Variants in GYS2 observed in about 807,000 individuals in gnomAD.
The protein encoded by GYS2 is glycogen synthase 2.
GYS2 carries 80 observed loss-of-function variants against 85.6 expected under a neutral mutation model. That is an observed-to-expected ratio of 0.93 (90% CI 0.78 to 1.13). The LOEUF (loss-of-function observed/expected upper bound fraction) is 1.13, where lower values mean the gene tolerates loss of function less well. Ranked by LOEUF, GYS2 falls within the 50% of genes most tolerant of loss-of-function variation. The pLI, the probability that GYS2 is intolerant of heterozygous loss-of-function variation, is 0.00. For synonymous variants in GYS2, 328 were observed against 300.7 expected (o/e 1.09, Z -0.94); for missense variants, 881 against 854.9 (o/e 1.03, Z -0.38).
chr12:21,548,817 C>T (rs746130580), intron 11 of GYS2, among the ~76,000 whole-genome samples: 10 of 152,070 alleles, frequency 6.6e-5, no homozygotes, highest in East Asian at 3.8e-4. Context: ...TTTTTCCCAG[C>T]GCTTTTTTTT....
intron 1 of GYS2, among the ~76,000 whole-genome samples, chr12:21,603,912 C>T (rs1210930811): frequency 2.0e-5 from 3 of 151,976 alleles, no homozygotes; most frequent in Admixed American, 6.6e-5. Context: ...TTTATAATTC[C>T]TACATAAGCA....
At chr12:21,571,277 C>A (rs1020310310) in intron 4 of GYS2, among the ~76,000 whole-genome samples, 1 of 152,138 alleles carries the variant, frequency 6.6e-6, no homozygotes, top group African/African-American at 2.4e-5. Flanking sequence ...TTTACAGAAA[C>A]CTTATCCGTT....
chr12:21,593,824 G>T (rs1333996551), intron 1 of GYS2, among the ~76,000 whole-genome samples: 1 of 151,948 alleles, frequency 6.6e-6, no homozygotes, highest in Non-Finnish European at 1.5e-5. Flanking sequence ...AAAACTGCAG[G>T]TCAATATCCC....
downstream of GYS2, among the ~76,000 whole-genome samples, chr12:21,533,489 C>T (rs1943883753): frequency 6.6e-6 from 1 of 152,118 alleles, no homozygotes; most frequent in African/African-American, 2.4e-5. Flanking sequence ...GCTATAAATT[C>T]CTTTAGAAAG....
intron 15 of GYS2, among the ~76,000 whole-genome samples, chr12:21,538,704 C>T (rs1451316122): frequency 6.6e-6 from 1 of 152,176 alleles, no homozygotes; most frequent in East Asian, 1.9e-4. Flanking sequence ...CCTGACGCTC[C>T]CCTGCTTCAA....
downstream of GYS2, among the ~76,000 whole-genome samples, chr12:21,535,337 A>T (rs1018013268): frequency 6.6e-6 from 1 of 152,110 alleles, no homozygotes; most frequent in East Asian, 1.9e-4. Flanking sequence ...GTAACAGTGA[A>T]CCCTAGTTTA....
At chr12:21,556,561 T>A in intron 11 of GYS2, among the ~76,000 whole-genome samples, 1 of 152,224 alleles carries the variant, frequency 6.6e-6, no homozygotes, top group Non-Finnish European at 1.5e-5. Context: ...GTTGCCCTCA[T>A]AAGCTCCAGG....
intron 11 of GYS2, among the ~76,000 whole-genome samples, chr12:21,555,759 A>T (rs1944171707): frequency 6.6e-6 from 1 of 152,128 alleles, no homozygotes; most frequent in Non-Finnish European, 1.5e-5. Context: ...TGGGGAGATG[A>T]GTATGAGGCT....
chr12:21,580,257 T>A lies in GYS2; in HGVS notation c.303+85A>T, dbSNP rs1180633293. 8 of 1,190,736 alleles carry A rather than the reference T, an allele frequency of 6.7e-6. No homozygotes were observed. The African/African-American group carries it at 1.0e-4, about 16-fold the overall frequency. The allele number at this position is 1,190,736 out of a possible 1,614,324, so 73.8% of individuals were successfully genotyped here. A position where few individuals can be genotyped will look rare whatever the true frequency, so the allele number is the denominator to read the frequency against. ...AAGTTTTCCTTAAGTAAGTGAATGG[T>A]CTTCTCTTGTGAGTTCATGTTAGTT... is the stretch of plus-strand genomic sequence containing the variant. On this transcript the variant is annotated intron_variant, in intron 2 of 15. Coordinates refer to ENST00000261195, the MANE Select transcript of GYS2 (RefSeq NM_021957.4).
At chr12:21,554,928 CT>C (rs1386122350) in intron 11 of GYS2, among the ~76,000 whole-genome samples, 2 of 152,196 alleles carry the variant, frequency 1.3e-5, no homozygotes, top group Non-Finnish European at 2.9e-5. Flanking sequence ...ACCTTCCAGC[CT>C]CAGTCTTCCC....
At chr12:21,567,638 G>A (rs1295771951) in intron 5 of GYS2, among the ~76,000 whole-genome samples, 1 of 151,586 alleles carries the variant, frequency 6.6e-6, no homozygotes, top group African/African-American at 2.4e-5. Flanking sequence ...AAGCAAGGAG[G>A]ATATATTAAT....
chr12:21,569,997 A>G (rs1168245306), intron 4 of GYS2, among the ~76,000 whole-genome samples: 1 of 152,170 alleles, frequency 6.6e-6, no homozygotes, highest in Non-Finnish European at 1.5e-5. Context: ...TAATGAATAC[A>G]GTCTTGTATT....
At chr12:21,560,532 A>T in intron 7 of GYS2, 40 bp from the exon 8 acceptor site, 2 of 957,210 alleles carry the variant, frequency 2.1e-6, no homozygotes, top group South Asian at 2.6e-5. Context: ...ACTATCAAAG[A>T]TTTTTAAAAA....
At position 21,603,152 on chromosome 12, in the gene GYS2, C is replaced by G. The variant is rs868125749; in HGVS notation, c.121+1320G>C. The stretch of plus-strand genomic sequence containing the variant: ...CACATGCTCATTTCAGGATAAAGAT[C>G]TCTGAGGAAAAGAATACAAAATAAT... On this transcript the variant is annotated intron_variant, in intron 1 of 15. Transcript: ENST00000261195. 8.5e-5 allele frequency among the ~76,000 whole-genome samples: 13 copies of G among 152,052 alleles called. 1 individual carries two copies. The South Asian group carries it at 2.7e-3, about 31-fold the overall frequency.
intron 15 of GYS2, chr12:21,537,497 G>T (rs1267591248): frequency 6.0e-6 from 2 of 334,722 alleles, no homozygotes; most frequent in Non-Finnish European, 1.1e-5. Flanking sequence ...CAAGTAACTT[G>T]CCCAACATCA....
At chr12:21,540,271 T>C in intron 14 of GYS2, 139 bp downstream of exon 14, 1 of 826,306 alleles carries the variant, frequency 1.2e-6, no homozygotes, top group Non-Finnish European at 2.0e-6. Context: ...CTTATTAAAT[T>C]TTAAAAAGTA....
At position 21,560,320 on chromosome 12, in the gene GYS2, G is replaced by A. The variant is rs1000268340; in HGVS notation, c.1169+66C>T. ...CAAAGTTCAAGGCGATACATGAGATGTCATTCACTTAAAAGAAATCTTTTC... is the reference window on the plus strand; with the variant it reads ...CAAAGTTCAAGGCGATACATGAGATATCATTCACTTAAAAGAAATCTTTTC... On this transcript the variant is annotated intron_variant, in intron 8 of 15. Transcript: ENST00000261195. 3.3e-5 allele frequency: 29 copies of A among 872,588 alleles called. No individual in the cohort carries two copies. In the African/African-American group the frequency reaches 4.8e-4, roughly 14 times the overall value. The allele number at this position is 872,588 out of a possible 1,614,324, so 54.1% of individuals were successfully genotyped here.
At chr12:21,604,009 C>T (rs757773389) in intron 1 of GYS2, among the ~76,000 whole-genome samples, 3 of 151,954 alleles carry the variant, frequency 2.0e-5, no homozygotes, top group Non-Finnish European at 2.9e-5. Flanking sequence ...ACATTAATTC[C>T]AAGCTAATTG....
At chr12:21,575,411 T>C (rs10505873) in intron 3 of GYS2, among the ~76,000 whole-genome samples, 83,970 of 152,008 alleles carry the variant, frequency 0.55, 24,328 homozygotes, top group East Asian at 0.82. Context: ...AGCAAAACAC[T>C]GTCATTGAAG....
Sources: allele counts gnomAD v4.1 joint callset (sites outside exome capture counted in the v4.1 genomes callset), GRCh38; gene constraint gnomAD v4.1.1; transcripts MANE v1.5; gene names NCBI Gene and HGNC (gene_info 2026-07-23, HGNC 2026-07-21).